The following ODAD3 variants were observed in gnomAD, a reference collection of about 807,000 sequenced individuals.
The protein encoded by ODAD3 is outer dynein arm docking complex subunit 3.
In ODAD3, 57 loss-of-function variants were observed where a neutral mutation model predicts 70.9. The ratio of observed to expected loss-of-function variants is 0.80; its 90% CI spans 0.65 to 1.00. The LOEUF is 1.00. Ranked by LOEUF, ODAD3 falls within the 50% of genes least tolerant of loss-of-function variation. The probability of loss-of-function intolerance (pLI) is 0.00; values close to 1 mark genes in which losing one functional copy is unlikely to be tolerated. For missense variants in ODAD3, 797 were observed against 763.9 expected, an observed-to-expected ratio of 1.04 and a Z score of -0.51; for synonymous variants, 327 against 315.9, an observed-to-expected ratio of 1.04 and a Z score of -0.37.
In ODAD3 at chr19:11,424,953, G is replaced by GTACATATGTGTATATA. The variant is rs1969247375; in HGVS notation, c.964-940_964-925dup. On this transcript the variant is annotated intron_variant, in intron 7 of 12. Coordinates refer to ENST00000356392, the MANE Select transcript of ODAD3 (RefSeq NM_145045.5). ...TGTATATATGTATATATGTGTATAT[G>GTACATATGTGTATATA]TACATATGTGTATATATGTATATAT... Among the ~76,000 whole-genome samples the GTACATATGTGTATATA allele has an allele frequency of 4.5e-5, 5 of 111,740 alleles. 1 individual carries two copies. The highest frequency in any genetic ancestry group is 2.6e-4 in the Admixed American group (3 of 11,408). The allele number at this position is 111,740 out of a possible 152,430, so 73.3% of individuals were successfully genotyped here.
chr19:11,435,602 C>T (rs1415753556), upstream of ODAD3: 1 of 1,036,318 alleles, frequency 9.6e-7, no homozygotes, highest in African/African-American at 1.6e-5. Flanking sequence ...GAACGTACGA[C>T]CGGAAGTGAC....
chr19:11,425,168 T>C (rs1020096231), intron 7 of ODAD3, among the ~76,000 whole-genome samples: 3 of 141,710 alleles, frequency 2.1e-5, no homozygotes, highest in Admixed American at 1.4e-4. Flanking sequence ...TACATATGTG[T>C]ATATGTACAT....
intron 11 of ODAD3, 133 bp from the exon 12 acceptor site, chr19:11,421,345 C>T (rs978286347): frequency 8.4e-6 from 7 of 835,196 alleles, no homozygotes; most frequent in South Asian, 3.5e-5. Context: ...CCACTCCCAT[C>T]CCTCCTTAAG....
upstream of ODAD3, chr19:11,435,706 T>G: frequency 1.5e-6 from 2 of 1,318,788 alleles, no homozygotes; most frequent in Non-Finnish European, 2.0e-6. Context: ...TCCGGCCTCG[T>G]GTAGGTGTGA....
chr19:11,427,521 G>A (rs1267190871), intron 3 of ODAD3, among the ~76,000 whole-genome samples: 4 of 138,476 alleles, frequency 2.9e-5, no homozygotes, highest in Non-Finnish European at 6.1e-5. Flanking sequence ...TCGCTCTGTC[G>A]CCCAGGCTGA....
At chr19:11,435,193 A>G (rs756980885), upstream of ODAD3, 344 of 1,427,730 alleles carry the variant, frequency 2.4e-4, no homozygotes, top group Non-Finnish European at 3.0e-4. Context: ...GTCTCTCTCC[A>G]CTGTTTCCAT....
chr19:11,434,020 C>G (rs1969567829), intron 1 of ODAD3, among the ~76,000 whole-genome samples: 1 of 151,952 alleles, frequency 6.6e-6, no homozygotes, highest in South Asian at 2.1e-4. Flanking sequence ...AGTTCGAGAC[C>G]AGCCTGGCCA....
chr19:11,424,530 TGTATATATGTGTATATATA>T (rs1969221382), intron 7 of ODAD3, among the ~76,000 whole-genome samples: 24 of 132,202 alleles, frequency 1.8e-4, no homozygotes, highest in Admixed American at 1.7e-3. Flanking sequence ...TATGTATATA[TGTATATATGTGTATATATA>T]CCTATGTGTA....
Position 11,426,941 on chromosome 19 carries a change from G to A in ODAD3, c.544C>T (p.Gln182Ter), listed in dbSNP as rs1969392026. Residue 182 changes from glutamine (Q) to a stop codon, truncating the protein, a stop_gained, in exon 4 of 13, where the codon CAG becomes TAG. Coordinates refer to ENST00000356392, the MANE Select transcript of ODAD3 (RefSeq NM_145045.5). LOFTEE classifies it high-confidence loss of function. ...AGAAGGCGCAGGCTGTGCTGCAGCTGGAGCTCCTCCAGCCGCCTCTGCCGC... is the reference window on the plus strand; with the variant it reads ...AGAAGGCGCAGGCTGTGCTGCAGCTAGAGCTCCTCCAGCCGCCTCTGCCGC... ...VLRQRRLEEL[Q>*]LQHSLRLLEM... The A allele has an allele frequency of 2.5e-6, 4 of 1,609,404 alleles. No homozygotes were observed. The highest frequency in any genetic ancestry group is 3.4e-6 in the Non-Finnish European group (4 of 1,179,452).
intron 8 of ODAD3, 39 bp downstream of exon 8, chr19:11,423,838 G>GT (rs1555721804): frequency 7.3e-7 from 1 of 1,363,976 alleles, no homozygotes; most frequent in African/African-American, 1.6e-5. Context: ...TCTGGGGTGG[G>GT]GGGGGGGCGC....
At chr19:11,425,072 T>TGTATATATGC (rs1491574437) in intron 7 of ODAD3, among the ~76,000 whole-genome samples, 2 of 108,424 alleles carry the variant, frequency 1.8e-5, no homozygotes, top group Non-Finnish European at 3.3e-5. Flanking sequence ...TGTATATATG[T>TGTATATATGC]ATATGTGTAT....
chr19:11,434,121 G>A (rs1456987197), intron 1 of ODAD3, among the ~76,000 whole-genome samples: 2 of 151,644 alleles, frequency 1.3e-5, no homozygotes, highest in African/African-American at 4.9e-5. Flanking sequence ...GCTGAGGCTC[G>A]AGAATCGCTT....
At chr19:11,434,633 G>A in intron 1 of ODAD3, 140 bp downstream of exon 1, 1 of 1,064,448 alleles carries the variant, frequency 9.4e-7, no homozygotes, top group Non-Finnish European at 1.4e-6. Context: ...GACAGAGAAG[G>A]AAAAACATGA....
At position 11,420,768 on chromosome 19, in the gene ODAD3, G is replaced by A; in HGVS notation, c.*67C>T. ...TTCAGCCCCTGAAGGGGCCCCGTGG[G>A]GCCTGCGCTAGACCCGGAGGGATCG... On this transcript the variant is annotated 3_prime_UTR_variant, in exon 13 of 13. Coordinates refer to ENST00000356392, the MANE Select transcript of ODAD3 (RefSeq NM_145045.5). 7 of 1,439,080 alleles carry A rather than the reference G, an allele frequency of 4.9e-6. No individual in the cohort carries two copies. In the South Asian group the frequency reaches 8.0e-5, roughly 16 times the overall value. The allele number at this position is 1,439,080 out of a possible 1,614,324, so 89.1% of individuals were successfully genotyped here. A position where few individuals can be genotyped will look rare whatever the true frequency, so the allele number is the denominator to read the frequency against.
At chr19:11,424,150 G>A (rs1452403290) in intron 7 of ODAD3, 121 bp from the exon 8 acceptor site, 5 of 1,276,022 alleles carry the variant, frequency 3.9e-6, no homozygotes, top group Middle Eastern at 2.8e-4. Context: ...AGGGAAGGGA[G>A]AGGGCAAAAG....
chr19:11,424,556 T>C lies in ODAD3; in HGVS notation c.964-527A>G, dbSNP rs567649547. Among the ~76,000 whole-genome samples the C allele has an allele frequency of 1.4e-3, 189 of 132,692 alleles. 4 individuals carry two copies. Among genetic ancestry groups the C allele is most frequent in the African/African-American group, 5.4e-3 (179 of 33,200 alleles). 87.1% of individuals were successfully genotyped at this position (132,692 alleles called of 152,430 possible). On this transcript the variant is annotated intron_variant, in intron 7 of 12. Coordinates refer to ENST00000356392, the MANE Select transcript of ODAD3 (RefSeq NM_145045.5). ...GTATATATGTGTATATATACCTATGTGTATATATGTATATATGTGTATATA... is the reference window on the plus strand; with the variant it reads ...GTATATATGTGTATATATACCTATGCGTATATATGTATATATGTGTATATA...
At chr19:11,433,102 C>T (rs1969536030) in intron 1 of ODAD3, among the ~76,000 whole-genome samples, 1 of 152,082 alleles carries the variant, frequency 6.6e-6, no homozygotes, top group Non-Finnish European at 1.5e-5. Flanking sequence ...CCATGATTAC[C>T]TCTTAATAAT....
Position 11,425,304 on chromosome 19 carries a change from T to C in ODAD3, c.963+840A>G, listed in dbSNP as rs1337457596. ...ATATGTACATATGTGTATATATGTG[T>C]ATGTGTACATATGTGTATATGTACA... On this transcript the variant is annotated intron_variant, in intron 7 of 12. Coordinates refer to ENST00000356392, the MANE Select transcript of ODAD3 (RefSeq NM_145045.5). Among the ~76,000 whole-genome samples the C allele has an allele frequency of 6.3e-5, 8 of 126,182 alleles. 1 individual carries two copies. The highest frequency in any genetic ancestry group is 2.4e-4 in the South Asian group (1 of 4,178). The allele number at this position is 126,182 out of a possible 152,430, so 82.8% of individuals were successfully genotyped here.
chr19:11,425,795 AGT>A (rs1222403980), intron 7 of ODAD3, among the ~76,000 whole-genome samples: 1 of 150,698 alleles, frequency 6.6e-6, no homozygotes, highest in Non-Finnish European at 1.5e-5. Context: ...CGGGGCCAAG[AGT>A]GAGGGGGCAG....
Sources: gnomAD v4.1 joint callset for allele counts (sites outside exome capture counted in the v4.1 genomes callset) on GRCh38, gnomAD v4.1.1 for gene constraint, MANE v1.5 for transcripts, NCBI Gene and HGNC (gene_info 2026-07-23, HGNC 2026-07-21) for gene names.